P2RY6: variants seen among roughly 807,000 people sequenced by gnomAD.
P2RY6 encodes the protein P2Y purinoceptor 6.
P2RY6 carries 19 observed loss-of-function variants against 16.3 expected under a neutral mutation model. The ratio of observed to expected loss-of-function variants is 1.16; its 90% CI spans 0.81 to 1.71. The LOEUF is 1.71. P2RY6 is among the 40% of genes most tolerant of loss of function. P2RY6 has a pLI of 0.00. For synonymous variants in P2RY6, 184 were observed against 201.5 expected (o/e 0.91, Z 0.74); for missense variants, 389 against 455.5 (o/e 0.85, Z 1.33).
Position 73,297,093 on chromosome 11 carries a change from A to C in P2RY6, c.575A>C (p.Tyr192Ser). 1.2e-6 allele frequency: 2 copies of C among 1,603,308 alleles called. No homozygotes were observed. The highest frequency in any genetic ancestry group is 1.7e-6 in the Non-Finnish European group (2 of 1,179,934). ...PPALATHYMP[Y>S]GMALTVIGFL... ...GCCCTGGCCACCCACTATATGCCCT[A>C]TGGCATGGCTCTCACTGTCATCGGC... Residue 192 changes from tyrosine (Y) to serine (S), a missense_variant, in exon 3 of 3, where the codon TAT becomes TCT. Physicochemically the swap from Tyr to Ser is moderately radical, Grantham distance 144. Transcript: ENST00000540124.
chr11:73,277,686 G>A (rs920503956), intron 1 of P2RY6, among the ~76,000 whole-genome samples: 6 of 152,218 alleles, frequency 3.9e-5, no homozygotes, highest in African/African-American at 9.6e-5. Context: ...TGGAGCTTAG[G>A]CAATCCGCAT....
At chr11:73,278,771 A>T (rs1863643530) in intron 1 of P2RY6, among the ~76,000 whole-genome samples, 1 of 152,206 alleles carries the variant, frequency 6.6e-6, no homozygotes, top group Admixed American at 6.5e-5. Context: ...TCATCCATCT[A>T]CAGCTGTTTG....
At position 73,297,142 on chromosome 11, in the gene P2RY6, GCTGGCCTGCTACTGTCTC is replaced by G. The variant is rs749981604; in HGVS notation, c.634_651del (p.Tyr212_Cys217del). ...GCTTCCTGCTGCCCTTTGCTGCCCT[GCTGGCCTGCTACTGTCTC>G]CTGGCCTGCCGCCTGTGCCGCCAGG... On this transcript the variant is annotated inframe_deletion, in exon 3 of 3. Transcript: ENST00000540124. 8 of 1,604,802 alleles carry G rather than the reference GCTGGCCTGCTACTGTCTC, an allele frequency of 5.0e-6. No homozygotes were observed. Among genetic ancestry groups the G allele is most frequent in the Non-Finnish European group, 5.9e-6 (7 of 1,179,948 alleles).
rs1864598352 is a variant in P2RY6, at chr11:73,298,456, G to A, written c.*951G>A. On this transcript the variant is annotated 3_prime_UTR_variant, in exon 3 of 3. Coordinates refer to ENST00000540124, the MANE Select transcript of P2RY6 (RefSeq NM_001277204.2). ...TGGGAAGCCAATGGAGGGATTAAGC[G>A]GCGGAAGCTTCTTAGAAGAGGCAGG... 1.2e-5 allele frequency: 2 copies of A among 167,176 alleles called. No individual in the cohort carries two copies. The highest frequency in any genetic ancestry group is 1.5e-5 in the Non-Finnish European group (1 of 68,174). The allele number at this position is 167,176 out of a possible 1,614,324, so 10.4% of individuals were successfully genotyped here.
At chr11:73,279,451 T>G (rs1863670714) in intron 1 of P2RY6, among the ~76,000 whole-genome samples, 1 of 152,238 alleles carries the variant, frequency 6.6e-6, no homozygotes, top group Admixed American at 6.5e-5. Context: ...AGGGATATTT[T>G]GGTTACAAGA....
chr11:73,285,576 C>T (rs766570577), intron 1 of P2RY6, among the ~76,000 whole-genome samples: 1 of 152,170 alleles, frequency 6.6e-6, no homozygotes, highest in Non-Finnish European at 1.5e-5. Flanking sequence ...TGGGGTTTGG[C>T]GACAGGCAGT....
chr11:73,278,496 T>C (rs539625586), intron 1 of P2RY6, among the ~76,000 whole-genome samples: 33 of 152,152 alleles, frequency 2.2e-4, no homozygotes, highest in African/African-American at 7.2e-4. Flanking sequence ...CCACTGAAAC[T>C]CTATGCCCAT....
At position 73,296,745 on chromosome 11, in the gene P2RY6, C is replaced by T; in HGVS notation, c.227C>T (p.Ala76Val). The T allele has an allele frequency of 3.7e-6, 6 of 1,613,480 alleles. No homozygotes were observed. The highest frequency in any genetic ancestry group is 5.1e-6 in the Non-Finnish European group (6 of 1,180,050). The change falls in exon 3 of 3, where the codon GCC becomes GTC. Residue 76 changes from alanine to valine, a missense_variant. By Grantham distance (64) the Ala-to-Val change is moderately conservative. Transcript: ENST00000540124. The stretch of plus-strand genomic sequence containing the variant: ...CTTGCTCTGGCTGACCTGCTATATG[C>T]CTGCTCCCTGCCCCTGCTCATCTAC... ...LNLALADLLY[A>V]CSLPLLIYNY...
At chr11:73,296,348 CG>C (rs2135763617) in intron 2 of P2RY6, 136 bp from the exon 3 acceptor site, 1 of 677,280 alleles carries the variant, frequency 1.5e-6, no homozygotes, top group African/African-American at 1.8e-5. Context: ...TGGGGCTTCA[CG>C]GGGTGGTTAG....
At position 73,297,268 on chromosome 11, in the gene P2RY6, C is replaced by T. The variant is rs1329495322; in HGVS notation, c.750C>T (p.Ile250=). 1 of 1,607,388 alleles carries T rather than the reference C, an allele frequency of 6.2e-7. No homozygotes were observed. The highest frequency in any genetic ancestry group is 1.7e-5 in the Admixed American group (1 of 60,018). The change falls in exon 3 of 3, where the codon ATC becomes ATT. Residue 250 remains isoleucine, a synonymous_variant. Transcript: ENST00000540124. ...MAVVVAAAFA[I]SFLPFHITKT... ...TGGTGGTGGCTGCTGCCTTTGCCAT[C>T]AGCTTCCTGCCTTTTCACATCACCA... is the stretch of plus-strand genomic sequence containing the variant.
intron 1 of P2RY6, among the ~76,000 whole-genome samples, chr11:73,283,304 T>C (rs1863837781): frequency 1.3e-5 from 2 of 152,128 alleles, no homozygotes; most frequent in South Asian, 2.1e-4. Flanking sequence ...ACAGAAACCA[T>C]TGATGTTTTC....
intron 1 of P2RY6, among the ~76,000 whole-genome samples, chr11:73,279,395 T>C (rs1263401295): frequency 6.6e-6 from 1 of 152,262 alleles, no homozygotes; most frequent in African/African-American, 2.4e-5. Context: ...CTTATTTAAT[T>C]TGCTGTTGTT....
At chr11:73,282,654 C>T (rs1863811367) in intron 1 of P2RY6, among the ~76,000 whole-genome samples, 1 of 152,208 alleles carries the variant, frequency 6.6e-6, no homozygotes, top group South Asian at 2.1e-4. Context: ...CATGTTTCTA[C>T]ATCTTCATCT....
chr11:73,296,259 A>T (rs940628357), intron 2 of P2RY6, among the ~76,000 whole-genome samples: 89 of 146,244 alleles, frequency 6.1e-4, no homozygotes, highest in African/African-American at 2.1e-3. Context: ...TATATATATA[A>T]TATATAAACA....
At chr11:73,274,562 A>T (rs544551812) in intron 1 of P2RY6, among the ~76,000 whole-genome samples, 93 of 152,108 alleles carry the variant, frequency 6.1e-4, no homozygotes, top group African/African-American at 2.2e-3. Context: ...AAAAGAAAGA[A>T]AGAAAGAAAA....
upstream of P2RY6, chr11:73,272,265 C>A: frequency 1.2e-6 from 1 of 854,984 alleles, no homozygotes; most frequent in Non-Finnish European, 1.4e-6. Flanking sequence ...GGCCCTGCTG[C>A]TTGCCAGCTC....
rs1449982701 is a variant in P2RY6, at chr11:73,296,923, G to A, written c.405G>A (p.Trp135Ter). 1.2e-6 allele frequency: 2 copies of A among 1,608,104 alleles called. No homozygotes were observed. The highest frequency in any genetic ancestry group is 3.3e-5 in the Admixed American group (2 of 60,006). Residue 135 changes from tryptophan (W) to a stop codon, truncating the protein, a stop_gained, in exon 3 of 3, where the codon TGG becomes TGA. Coordinates refer to ENST00000540124, the MANE Select transcript of P2RY6 (RefSeq NM_001277204.2). LOFTEE classifies it high-confidence loss of function. ...GCATCTGCCACCCGCTGGCCCCCTG[G>A]CACAAACGTGGGGGCCGCCGGGCTG... ...YLGICHPLAP[W>*]HKRGGRRAAW...
chr11:73,283,788 G>A (rs147664710), intron 1 of P2RY6, among the ~76,000 whole-genome samples: 6 of 152,276 alleles, frequency 3.9e-5, no homozygotes, highest in African/African-American at 9.6e-5. Context: ...GCTTGATTGC[G>A]CAGGGAGGAA....
intron 1 of P2RY6, among the ~76,000 whole-genome samples, chr11:73,265,671 T>A (rs963750050): frequency 1.3e-5 from 2 of 152,052 alleles, no homozygotes; most frequent in African/African-American, 4.8e-5. Flanking sequence ...ATCAGTGAAT[T>A]TCTTGCCTCT....
Sources: gnomAD v4.1 joint callset for allele counts (sites outside exome capture counted in the v4.1 genomes callset) on GRCh38, gnomAD v4.1.1 for gene constraint, MANE v1.5 for transcripts, NCBI Gene and HGNC (gene_info 2026-07-23, HGNC 2026-07-21) for gene names.